The following P2RX5 variants were observed in gnomAD, a reference collection of about 807,000 sequenced individuals.
P2RX5 encodes P2X purinoceptor 5.
A neutral mutation model predicts 54.1 loss-of-function variants in P2RX5; 46 were observed. The ratio of observed to expected loss-of-function variants is 0.85; its 90% confidence interval spans 0.67 to 1.09. The LOEUF is 1.09. Ranked by LOEUF, P2RX5 falls within the 50% of genes least tolerant of loss-of-function variation. P2RX5 has a pLI of 0.00. For missense variants in P2RX5, 566 were observed against 549.8 expected (o/e 1.03, Z -0.29); for synonymous variants, 226 against 226.4 (o/e 1.00, Z 0.02).
chr17:3,684,813 G>A (rs1336323935), intron 9 of P2RX5, among the ~76,000 whole-genome samples: 1 of 145,760 alleles, frequency 6.9e-6, no homozygotes, highest in Non-Finnish European at 1.5e-5. Context: ...CTAAGAAACT[G>A]TCTGCAGCCT....
chr17:3,673,894 G>A lies in P2RX5; in HGVS notation c.1260-17C>T. 3 of 1,608,092 alleles carry A rather than the reference G, an allele frequency of 1.9e-6. No individual in the cohort carries two copies. The South Asian group carries it at 3.3e-5, about 18-fold the overall frequency. On this transcript the variant is annotated splice_polypyrimidine_tract_variant and intron_variant, in intron 11 of 11. Coordinates refer to ENST00000225328, the MANE Select transcript of P2RX5 (RefSeq NM_002561.4). ...CACGTGCTCCTGGAATATCAGAACA[G>A]AAAGGAGCTCTTGAGAGGCTGGCAC...
chr17:3,711,430 TG>T, the P2RX5 span, among the ~76,000 whole-genome samples: 1 of 125,744 alleles, frequency 8.0e-6, no homozygotes, highest in African/African-American at 3.1e-5. Flanking sequence ...TCACCCAGGC[TG>T]GAGTGCAGTG....
chr17:3,679,874 C>G, intron 10 of P2RX5, 90 bp from the exon 11 acceptor site: 1 of 1,137,938 alleles, frequency 8.8e-7, no homozygotes, highest in Non-Finnish European at 1.3e-6. Flanking sequence ...GAATCCCTCG[C>G]CCTGCAGGCC....
intron 9 of P2RX5, among the ~76,000 whole-genome samples, chr17:3,684,677 A>G (rs1169921851): frequency 6.6e-6 from 1 of 152,166 alleles, no homozygotes; most frequent in Admixed American, 6.5e-5. Context: ...TAGAAAACAA[A>G]CAAAAACCTC....
chr17:3,714,804 G>T, the P2RX5 span: 2 of 1,144,044 alleles, frequency 1.7e-6, no homozygotes, highest in Non-Finnish European at 1.3e-6. Flanking sequence ...GGGTCTCCAA[G>T]TCCCAGGACT....
chr17:3,699,964 AAGAAAGAAAG>A (rs2050807567), upstream of P2RX5, among the ~76,000 whole-genome samples: 1 of 138,324 alleles, frequency 7.2e-6, no homozygotes, highest in African/African-American at 2.5e-5. Flanking sequence ...GAAAGAAAGA[AAGAAAGAAAG>A]AAAATTAGTG....
chr17:3,685,657 T>TCTCCCCACCTCCCG (rs1555569503), intron 9 of P2RX5: 2 of 75,902 alleles, frequency 2.6e-5, no homozygotes, highest in East Asian at 4.0e-4. Context: ...AGCGTCCCCC[T>TCTCCCCACCTCCCG]CCCAGCCTGA....
chr17:3,711,208 T>G, the P2RX5 span, among the ~76,000 whole-genome samples: 12 of 152,026 alleles, frequency 7.9e-5, no homozygotes, highest in Non-Finnish European at 1.3e-4. Flanking sequence ...GGATAGTGAG[T>G]GCAGATTCGA....
In P2RX5 at chr17:3,673,821, C is replaced by T; in HGVS notation, c.*47G>A. On this transcript the variant is annotated 3_prime_UTR_variant, in exon 12 of 12. Transcript: ENST00000225328. ...CCCAAAGGCATGGGATCACTGGGTG[C>T]TAGACGGCTGGGTTTAGGACAGGGC... is the stretch of plus-strand genomic sequence containing the variant. 2 of 1,612,540 alleles carry T rather than the reference C, an allele frequency of 1.2e-6. No homozygotes were observed. Among genetic ancestry groups the T allele is most frequent in the Non-Finnish European group, 1.7e-6 (2 of 1,179,988 alleles).
At chr17:3,705,123 C>A in the P2RX5 span, among the ~76,000 whole-genome samples, 1 of 152,170 alleles carries the variant, frequency 6.6e-6, no homozygotes, top group African/African-American at 2.4e-5. Context: ...CAGTTCCCGG[C>A]GCTGGCTTCC....
At chr17:3,680,345 C>T (rs1398298422) in intron 10 of P2RX5, among the ~76,000 whole-genome samples, 1 of 137,312 alleles carries the variant, frequency 7.3e-6, no homozygotes, top group African/African-American at 2.8e-5. Flanking sequence ...CACCCTGCGT[C>T]CTCCACCCAG....
rs1468118776 is a variant in P2RX5, at chr17:3,682,385, A to G, written c.982-407T>C. 5 of 335,892 alleles carry G rather than the reference A, an allele frequency of 1.5e-5. No individual in the cohort carries two copies. In the East Asian group the frequency reaches 3.1e-4, roughly 21 times the overall value. The allele number at this position is 335,892 out of a possible 1,614,324, so 20.8% of individuals were successfully genotyped here. ...GCGTGTCGATGACGACCCACATAGG[A>G]CTTCACTCAGCCTGGGGAGGGTCCC... On this transcript the variant is annotated intron_variant, in intron 9 of 11. Coordinates refer to ENST00000225328, the MANE Select transcript of P2RX5 (RefSeq NM_002561.4).
chr17:3,691,154 G>A lies in P2RX5; in HGVS notation c.289-127C>T, dbSNP rs1016468816. ...TTGGGGATAATGGGGCCACAAACTT[G>A]GTATACTCTGCCCATCTGCTCATGG... On this transcript the variant is annotated intron_variant, in intron 2 of 11. Coordinates refer to ENST00000225328, the MANE Select transcript of P2RX5 (RefSeq NM_002561.4). 11 of 715,402 alleles carry A rather than the reference G, an allele frequency of 1.5e-5. No individual in the cohort carries two copies. The African/African-American group carries it at 1.6e-4, about 10-fold the overall frequency. The allele number at this position is 715,402 out of a possible 1,614,324, so 44.3% of individuals were successfully genotyped here. A position where few individuals can be genotyped will look rare whatever the true frequency, so the allele number is the denominator to read the frequency against.
the P2RX5 span, among the ~76,000 whole-genome samples, chr17:3,713,935 A>G: frequency 1.9e-5 from 2 of 106,468 alleles, no homozygotes; most frequent in Admixed American, 8.0e-5. Flanking sequence ...GATACAATCG[A>G]TAATTTTTTT....
At chr17:3,695,253 T>C (rs993526543) in intron 1 of P2RX5, among the ~76,000 whole-genome samples, 4 of 152,104 alleles carry the variant, frequency 2.6e-5, no homozygotes, top group African/African-American at 9.7e-5. Flanking sequence ...TGGCGCCAGC[T>C]CCTGCCAGGT....
At chr17:3,675,070 C>T (rs1251899670) in intron 11 of P2RX5, among the ~76,000 whole-genome samples, 2 of 152,196 alleles carry the variant, frequency 1.3e-5, no homozygotes, top group Non-Finnish European at 2.9e-5. Flanking sequence ...GACGGAGTCT[C>T]GCTCCGTCGC....
intron 6 of P2RX5, 142 bp downstream of exon 6, chr17:3,689,920 GCACGCGCA>G (rs1332435898): frequency 1.1e-5 from 9 of 841,774 alleles, no homozygotes; most frequent in Middle Eastern, 2.6e-4. Context: ...ACAGACACAT[GCACGCGCA>G]CACACGCACA....
intron 10 of P2RX5, among the ~76,000 whole-genome samples, chr17:3,680,793 A>T (rs866468737): frequency 5.3e-5 from 3 of 57,100 alleles, no homozygotes; most frequent in Admixed American, 1.7e-4. Context: ...TCCACCCTGC[A>T]TCCTCCACCC....
In P2RX5 at chr17:3,681,934, C is replaced by A; in HGVS notation, c.1026G>T (p.Lys342Asn). The change falls in exon 10 of 12, where the codon AAG becomes AAT. Residue 342 changes from lysine to asparagine, a missense_variant. By Grantham distance (94) the Lys-to-Asn change is moderately conservative (BLOSUM62 0). Coordinates refer to ENST00000225328, the MANE Select transcript of P2RX5 (RefSeq NM_002561.4). ...CDLVLIYLIK[K>N]REFYRDKKYE... is the part of the protein sequence containing the mutation. ...ACTTCTTGTCACGGTAAAACTCTCTCTTTTTGATGAGGTAGATGAGTACCA... is the reference window on the plus strand; with the variant it reads ...ACTTCTTGTCACGGTAAAACTCTCTATTTTTGATGAGGTAGATGAGTACCA... 1.2e-6 allele frequency: 2 copies of A among 1,613,936 alleles called. No individual in the cohort carries two copies. The highest frequency in any genetic ancestry group is 1.7e-6 in the Non-Finnish European group (2 of 1,179,870).
Sources: gnomAD v4.1 joint callset for allele counts (sites outside exome capture counted in the v4.1 genomes callset) on GRCh38, gnomAD v4.1.1 for gene constraint, MANE v1.5 for transcripts, NCBI Gene and HGNC (gene_info 2026-07-23, HGNC 2026-07-21) for gene names.